The following TTC39C variants were observed in gnomAD, a reference collection of about 807,000 sequenced individuals.
The protein encoded by TTC39C is tetratricopeptide repeat domain 39C.
A neutral mutation model predicts 76.3 loss-of-function variants in TTC39C; 33 were observed. That is an observed-to-expected ratio of 0.43 (90% CI 0.33 to 0.58). The LOEUF is 0.58. Ranked by LOEUF, TTC39C falls within the 20% of genes least tolerant of loss-of-function variation. The pLI is 0.04. For synonymous variants in TTC39C, 254 were observed against 260.6 expected, an observed-to-expected ratio of 0.97 and a Z score of 0.24; for missense variants, 595 against 701.4, an observed-to-expected ratio of 0.85 and a Z score of 1.71.
At chr18:24,073,444 C>T (rs978441600) in intron 4 of TTC39C, among the ~76,000 whole-genome samples, 6 of 152,156 alleles carry the variant, frequency 3.9e-5, no homozygotes, top group Admixed American at 3.3e-4. Context: ...AACACCCCTA[C>T]CCCCTTTATC....
chr18:24,018,455 T>C (rs1281914318), intron 1 of TTC39C, among the ~76,000 whole-genome samples: 3 of 152,122 alleles, frequency 2.0e-5, no homozygotes. Flanking sequence ...CTTTAGTTGC[T>C]CAGGCACATA....
chr18:24,026,144 C>T (rs2083597849), intron 1 of TTC39C, among the ~76,000 whole-genome samples: 1 of 152,286 alleles, frequency 6.6e-6, no homozygotes, highest in East Asian at 1.9e-4. Context: ...TCATACTCCA[C>T]GTGGATCTAG....
At chr18:24,118,796 G>T (rs1460380523) in intron 8 of TTC39C, among the ~76,000 whole-genome samples, 1 of 151,888 alleles carries the variant, frequency 6.6e-6, no homozygotes, top group Non-Finnish European at 1.5e-5. Flanking sequence ...GGGACTACAG[G>T]CATGCCCTAC....
chr18:23,993,075 A>G (rs1289299467), intron 1 of TTC39C: 1 of 152,240 alleles, frequency 6.6e-6, no homozygotes, highest in Non-Finnish European at 1.5e-5. Context: ...GTGATAAACA[A>G]GAAGAATCAT....
chr18:24,034,465 T>G (rs2083709574), intron 1 of TTC39C, among the ~76,000 whole-genome samples: 1 of 152,256 alleles, frequency 6.6e-6, no homozygotes, highest in Admixed American at 6.5e-5. Context: ...GCTTTTAAAT[T>G]ATTTTTTCAA....
chr18:24,089,747 A>G (rs555811055), intron 6 of TTC39C, among the ~76,000 whole-genome samples: 43 of 152,298 alleles, frequency 2.8e-4, no homozygotes, highest in Admixed American at 7.2e-4. Flanking sequence ...GTAGGGGGCA[A>G]AAGCATAATC....
intron 2 of TTC39C, among the ~76,000 whole-genome samples, chr18:24,065,028 T>A (rs1414855873): frequency 3.3e-5 from 5 of 152,222 alleles, no homozygotes; most frequent in African/African-American, 1.2e-4. Flanking sequence ...GTAACATTAG[T>A]ACCCAAGTGA....
At chr18:24,009,647 C>T (rs1485897361) in intron 1 of TTC39C, among the ~76,000 whole-genome samples, 1 of 152,242 alleles carries the variant, frequency 6.6e-6, no homozygotes, top group Admixed American at 6.5e-5. Context: ...CACTCAAAGA[C>T]ACACCCCAGT....
At chr18:24,045,943 T>A (rs2083875380) in intron 1 of TTC39C, among the ~76,000 whole-genome samples, 1 of 98,416 alleles carries the variant, frequency 1.0e-5, no homozygotes, top group Non-Finnish European at 2.0e-5. Context: ...TTTTTTTTTT[T>A]TTTTTTTTTT....
At chr18:24,060,730 C>A (rs1320012480) in intron 1 of TTC39C, among the ~76,000 whole-genome samples, 1 of 152,188 alleles carries the variant, frequency 6.6e-6, no homozygotes, top group Non-Finnish European at 1.5e-5. Context: ...TGGGTCCCAA[C>A]AAACACTGAC....
At chr18:24,025,686 C>G (rs993477352) in intron 1 of TTC39C, among the ~76,000 whole-genome samples, 4 of 152,110 alleles carry the variant, frequency 2.6e-5, no homozygotes, top group African/African-American at 9.7e-5. Flanking sequence ...ATCATGTCAC[C>G]CCAGAACGGC....
At chr18:24,100,357 G>A (rs2084660533) in intron 6 of TTC39C, among the ~76,000 whole-genome samples, 1 of 152,200 alleles carries the variant, frequency 6.6e-6, no homozygotes, top group Admixed American at 6.5e-5. Flanking sequence ...GCCACTGTTG[G>A]GATGAATCCT....
At chr18:23,993,635 T>G (rs1162730522) in intron 1 of TTC39C, among the ~76,000 whole-genome samples, 1 of 152,232 alleles carries the variant, frequency 6.6e-6, no homozygotes, top group Non-Finnish European at 1.5e-5. Context: ...AATCTCATCT[T>G]TTACTAGCCT....
Position 24,014,900 on chromosome 18 carries a change from G to A in TTC39C, c.29G>A (p.Arg10Gln), listed in dbSNP as rs1281074438. Residue 10 changes from arginine (R) to glutamine (Q), a missense_variant, in exon 1 of 14, where the codon CGG (arginine) becomes CAG (glutamine). Arg to Gln is a conservative substitution (Grantham distance 43). Coordinates refer to ENST00000317571, the MANE Select transcript of TTC39C (RefSeq NM_001135993.2). MAGSEQQRP[R>Q]RRDDGDSDAA... ...GCCGGCTCGGAGCAGCAGCGGCCGC[G>A]GCGGCGGGACGACGGAGACTCGGAC... 5.4e-6 allele frequency: 8 copies of A among 1,493,630 alleles called. No individual in the cohort carries two copies. In the South Asian group the frequency reaches 6.5e-5, roughly 12 times the overall value. The allele number at this position is 1,493,630 out of a possible 1,614,324, so 92.5% of individuals were successfully genotyped here.
At chr18:24,089,380 A>G (rs2084489239) in intron 6 of TTC39C, among the ~76,000 whole-genome samples, 1 of 152,194 alleles carries the variant, frequency 6.6e-6, no homozygotes, top group Non-Finnish European at 1.5e-5. Flanking sequence ...AGTTCTGTTC[A>G]TTGTAGTCTT....
intron 1 of TTC39C, among the ~76,000 whole-genome samples, chr18:24,015,664 G>A (rs2083446334): frequency 6.6e-6 from 1 of 152,176 alleles, no homozygotes; most frequent in African/African-American, 2.4e-5. Flanking sequence ...AGTTCCTGAT[G>A]TCTTTCAAGC....
At chr18:24,091,910 A>ACT (rs2084521771) in intron 6 of TTC39C, among the ~76,000 whole-genome samples, 1 of 151,750 alleles carries the variant, frequency 6.6e-6, no homozygotes, top group Non-Finnish European at 1.5e-5. Flanking sequence ...TAACATGATG[A>ACT]AACCCTGTCT....
In TTC39C at chr18:24,089,647, G is replaced by A. The variant is rs1036616076; in HGVS notation, c.984+6566G>A. Among the ~76,000 whole-genome samples the A allele has an allele frequency of 2.0e-5, 3 of 152,314 alleles. No homozygotes were observed. In the East Asian group the frequency reaches 5.8e-4, roughly 29 times the overall value. ...CCCTACCTATCTGTTGGGTTGAAAA[G>A]CAAGTAGAAGGTTAATATTGATTTA... is the stretch of plus-strand genomic sequence containing the variant. On this transcript the variant is annotated intron_variant, in intron 6 of 13. Transcript: ENST00000317571.
At chr18:24,046,337 C>T (rs893898389) in intron 1 of TTC39C, among the ~76,000 whole-genome samples, 1 of 151,658 alleles carries the variant, frequency 6.6e-6, no homozygotes, top group Non-Finnish European at 1.5e-5. Flanking sequence ...TTGTATGTGC[C>T]GAGCTTCAGA....
Sources: allele counts gnomAD v4.1 joint callset (sites outside exome capture counted in the v4.1 genomes callset), GRCh38; gene constraint gnomAD v4.1.1; transcripts MANE v1.5; gene names NCBI Gene and HGNC (gene_info 2026-07-23, HGNC 2026-07-21).